The following CTNNA3 variants were observed in gnomAD, a reference collection of about 807,000 sequenced individuals.
CTNNA3 encodes the protein catenin alpha-3.
CTNNA3 carries 76 observed loss-of-function variants against 95.7 expected under a neutral mutation model. That is an observed-to-expected ratio of 0.79 (90% CI 0.66 to 0.96). The LOEUF is 0.96. CTNNA3 is among the 40% of genes least tolerant of loss of function. The pLI is 0.00. For synonymous variants in CTNNA3, 431 were observed against 374.4 expected (o/e 1.15, Z -1.74); for missense variants, 1,191 against 1,089.8 (o/e 1.09, Z -1.31).
At chr10:67,460,767 G>C (rs143043603) in intron 5 of CTNNA3, among the ~76,000 whole-genome samples, 3 of 151,848 alleles carry the variant, frequency 2.0e-5, no homozygotes, top group African/African-American at 7.2e-5. Flanking sequence ...CATTATGGAG[G>C]TAATATTAAT....
rs145243229 is a variant in CTNNA3, at chr10:66,417,245, A to G, written c.1532-37893T>C. Among the ~76,000 whole-genome samples, 578 of 152,124 alleles carry G rather than the reference A, an allele frequency of 3.8e-3. 2 individuals carry two copies. Among genetic ancestry groups the G allele is most frequent in the South Asian group, 0.015 (71 of 4,826 alleles). ...AAAGTGAGCAGAGGTAGCTATACTC[A>G]TATCATACAAAACAGACTTGAAGCC... On this transcript the variant is annotated intron_variant, in intron 11 of 17. Coordinates refer to ENST00000433211, the MANE Select transcript of CTNNA3 (RefSeq NM_013266.4).
At chr10:66,094,531 C>T (rs1243916975) in intron 14 of CTNNA3, among the ~76,000 whole-genome samples, 2 of 151,936 alleles carry the variant, frequency 1.3e-5, no homozygotes, top group Admixed American at 1.3e-4. Context: ...GGTGCCGGTG[C>T]CTAAACTAAA....
chr10:67,096,491 A>C (rs1858002090), intron 7 of CTNNA3, among the ~76,000 whole-genome samples: 1 of 151,962 alleles, frequency 6.6e-6, no homozygotes, highest in Admixed American at 6.6e-5. Context: ...TCTGTTCACC[A>C]AACAAGAATG....
chr10:67,672,154 C>A (rs1840448465), intron 1 of CTNNA3, among the ~76,000 whole-genome samples: 1 of 152,176 alleles, frequency 6.6e-6, no homozygotes, highest in South Asian at 2.1e-4. Flanking sequence ...GCATAAATGT[C>A]TTCTTTTGAG....
At chr10:66,216,064 G>A (rs1056276552) in intron 13 of CTNNA3, among the ~76,000 whole-genome samples, 3 of 152,234 alleles carry the variant, frequency 2.0e-5, no homozygotes, top group African/African-American at 7.2e-5. Context: ...AATCTGCCGT[G>A]TTGACTCTTG....
intron 11 of CTNNA3, among the ~76,000 whole-genome samples, chr10:66,485,736 A>G (rs1190922133): frequency 1.4e-4 from 22 of 152,164 alleles, no homozygotes; most frequent in Admixed American, 1.4e-3. Context: ...GAAATAGAAA[A>G]AGCAATCCTA....
At chr10:66,967,035 G>T (rs772066353) in intron 7 of CTNNA3, among the ~76,000 whole-genome samples, 1 of 152,002 alleles carries the variant, frequency 6.6e-6, no homozygotes, top group Non-Finnish European at 1.5e-5. Flanking sequence ...AGCGCAAAAA[G>T]AAATATTAAG....
At chr10:66,779,527 T>G (rs992407881) in intron 7 of CTNNA3, among the ~76,000 whole-genome samples, 2 of 152,068 alleles carry the variant, frequency 1.3e-5, no homozygotes, top group African/African-American at 4.8e-5. Flanking sequence ...TGGCTTATTT[T>G]TTTTTTTGTA....
At chr10:66,577,783 T>C (rs1054975519) in intron 10 of CTNNA3, among the ~76,000 whole-genome samples, 3 of 152,104 alleles carry the variant, frequency 2.0e-5, no homozygotes, top group Non-Finnish European at 4.4e-5. Flanking sequence ...TCTTTTTGCT[T>C]AGGCTTGCTT....
intron 7 of CTNNA3, among the ~76,000 whole-genome samples, chr10:66,855,553 C>T (rs1489382153): frequency 6.6e-6 from 1 of 151,892 alleles, no homozygotes; most frequent in East Asian, 1.9e-4. Context: ...CCATTTAGCA[C>T]CAAACAGGAC....
At chr10:67,599,622 A>G (rs902250861) in intron 3 of CTNNA3, among the ~76,000 whole-genome samples, 1 of 152,218 alleles carries the variant, frequency 6.6e-6, no homozygotes, top group African/African-American at 2.4e-5. Flanking sequence ...AGAGGGCAGA[A>G]AGAATTATTG....
intron 5 of CTNNA3, among the ~76,000 whole-genome samples, chr10:67,470,100 C>G (rs575384311): frequency 5.3e-5 from 8 of 152,216 alleles, no homozygotes; most frequent in Non-Finnish European, 8.8e-5. Context: ...CACCCTCCTA[C>G]TATCCTTCCC....
chr10:67,636,191 T>C (rs1296107169), intron 2 of CTNNA3, among the ~76,000 whole-genome samples: 1 of 152,178 alleles, frequency 6.6e-6, no homozygotes. Context: ...CGGAAAATCA[T>C]TCCATCCTCA....
chr10:66,845,717 A>AACAAAAAAAAC (rs1447990406), intron 7 of CTNNA3, among the ~76,000 whole-genome samples: 2 of 130,642 alleles, frequency 1.5e-5, no homozygotes, highest in Non-Finnish European at 3.3e-5. Flanking sequence ...AAAAAAAAAA[A>AACAAAAAAAAC]AAAAAAAAAA....
chr10:67,305,743 T>C (rs750111621), intron 5 of CTNNA3, among the ~76,000 whole-genome samples: 5 of 151,992 alleles, frequency 3.3e-5, no homozygotes, highest in Non-Finnish European at 7.4e-5. Flanking sequence ...GTAGCTTCAT[T>C]TGAGAGATTA....
At chr10:66,650,284 T>C (rs1194517166) in intron 9 of CTNNA3, among the ~76,000 whole-genome samples, 2 of 152,146 alleles carry the variant, frequency 1.3e-5, no homozygotes, top group Non-Finnish European at 1.5e-5. Flanking sequence ...AAACAAGTCT[T>C]AACAAATTTG....
intron 13 of CTNNA3, among the ~76,000 whole-genome samples, chr10:66,120,418 C>T (rs1282448875): frequency 6.6e-6 from 1 of 152,090 alleles, no homozygotes; most frequent in Admixed American, 6.6e-5. Context: ...GTTAGAATTA[C>T]ATTAAATAAA....
chr10:67,345,575 A>G (rs1304184796), intron 5 of CTNNA3, among the ~76,000 whole-genome samples: 4 of 152,132 alleles, frequency 2.6e-5, no homozygotes, highest in Non-Finnish European at 5.9e-5. Flanking sequence ...ATCATTATAT[A>G]GTGACTTTCT....
intron 12 of CTNNA3, among the ~76,000 whole-genome samples, chr10:66,302,195 T>G (rs2091872071): frequency 6.6e-6 from 1 of 151,908 alleles, no homozygotes; most frequent in Non-Finnish European, 1.5e-5. Context: ...GAGAGTGAGT[T>G]CCGGTGCCTA....
Sources: allele counts gnomAD v4.1 joint callset (sites outside exome capture counted in the v4.1 genomes callset), GRCh38; gene constraint gnomAD v4.1.1; transcripts MANE v1.5; gene names NCBI Gene and HGNC (gene_info 2026-07-23, HGNC 2026-07-21).